Variants in MYRF observed in about 807,000 individuals in gnomAD.
MYRF encodes the protein myelin regulatory factor, also known as myelin gene regulatory factor.
In MYRF, 16 loss-of-function variants were observed where a neutral mutation model predicts 126.3. The observed-to-expected ratio is 0.13, with a 90% CI of 0.09 to 0.19. The LOEUF is 0.19. Among genes scored for constraint, MYRF ranks in the 10% least tolerant of loss-of-function variants. The probability of loss-of-function intolerance (pLI) is 1.00; values close to 1 mark genes in which losing one functional copy is unlikely to be tolerated. For synonymous variants in MYRF, 608 were observed against 635.3 expected, an observed-to-expected ratio of 0.96 and a Z score of 0.65; for missense variants, 1,104 against 1,547.0, an observed-to-expected ratio of 0.71 and a Z score of 4.80.
At chr11:61,779,706 G>A (rs569734807) in intron 16 of MYRF, 136 bp downstream of exon 16, 78 of 1,212,518 alleles carry the variant, frequency 6.4e-5, no homozygotes, top group Non-Finnish European at 7.5e-5. Context: ...TCCCAGCCCC[G>A]TTTCTCTTTC....
At chr11:61,764,418 T>C (rs368343194) in intron 1 of MYRF, among the ~76,000 whole-genome samples, 11 of 152,304 alleles carry the variant, frequency 7.2e-5, no homozygotes, top group East Asian at 3.9e-4. Context: ...CATGTCCCCA[T>C]TGCACGAATG....
At position 61,776,807 on chromosome 11, in the gene MYRF, C is replaced by G; in HGVS notation, c.1520C>G (p.Ala507Gly). The change falls in exon 11 of 27, where the codon GCC becomes GGC. Residue 507 changes from alanine (A) to glycine (G), a missense_variant. By Grantham distance (60) the Ala-to-Gly change is moderately conservative. Around this residue, in one of 10 missense-constraint regions of MYRF, gnomAD observed 48 missense variants for 148.2 expected, o/e 0.32. Transcript: ENST00000278836. This position sits in a 1 kb window ranked among gnomAD's most constrained non-coding sequence, Gnocchi z 4.3. ...PDQRYFMLVVALQAHAQNQNY... is the reference protein window; with the variant it reads ...PDQRYFMLVVGLQAHAQNQNY... ...CCCAGGTACTTCATGCTGGTGGTGG[C>G]CCTCCAGGCTCATGCACAGAACCAG... 1 of 1,604,982 alleles carries G rather than the reference C, an allele frequency of 6.2e-7. No homozygotes were observed.
chr11:61,754,020 GCTCCTT>G (rs2065678150), intron 1 of MYRF: 1 of 152,656 alleles, frequency 6.6e-6, no homozygotes, highest in East Asian at 1.9e-4. Context: ...GCCACATCCT[GCTCCTT>G]GGTGCATTGA....
intron 4 of MYRF, 129 bp from the exon 5 acceptor site, chr11:61,770,117 A>C: frequency 2.3e-6 from 2 of 876,592 alleles, no homozygotes; most frequent in Non-Finnish European, 3.3e-6. Flanking sequence ...CACCTAGGGT[A>C]GGTGGGGGGC....
Position 61,787,081 on chromosome 11 carries a change from C to G in MYRF, c.*938C>G, listed in dbSNP as rs2066711625. On this transcript the variant is annotated 3_prime_UTR_variant, in exon 27 of 27. Transcript: ENST00000278836. The stretch of plus-strand genomic sequence containing the variant: ...GGAGCAGGAATCCCTCAAGCAGCAG[C>G]CTGGTCTTGGCTGGTGGGCAGATGC... 6.5e-6 allele frequency: 1 copy of G among 152,788 alleles called. No homozygotes were observed. Among genetic ancestry groups the G allele is most frequent in the African/African-American group, 2.4e-5 (1 of 41,462 alleles). 9.5% of individuals were successfully genotyped at this position (152,788 alleles called of 1,614,324 possible). A position where few individuals can be genotyped will look rare whatever the true frequency, so the allele number is the denominator to read the frequency against.
chr11:61,753,089 T>TTG (rs1365121017), intron 1 of MYRF, among the ~76,000 whole-genome samples: 4 of 152,064 alleles, frequency 2.6e-5, no homozygotes, highest in Non-Finnish European at 5.9e-5. Context: ...TTTCCCTAAA[T>TTG]TGTGACACTC....
chr11:61,784,416 C>G lies in MYRF; in HGVS notation c.3300+31C>G, dbSNP rs987135585. 6 of 1,574,896 alleles carry G rather than the reference C, an allele frequency of 3.8e-6. No homozygotes were observed. In the Admixed American group the frequency reaches 6.8e-5, roughly 18 times the overall value. ...TGGGACTGGGAAGCTGCGGGCCGGC[C>G]AGGCCCGAGCTGCTTCTCTCCTGGC... On this transcript the variant is annotated intron_variant, in intron 25 of 26. Transcript: ENST00000278836.
Position 61,778,898 on chromosome 11 carries a change from C to A in MYRF, c.2014-365C>A, listed in dbSNP as rs1403886254. On this transcript the variant is annotated intron_variant, in intron 14 of 26. Coordinates refer to ENST00000278836, the MANE Select transcript of MYRF (RefSeq NM_001127392.3). This position sits in a 1 kb window ranked among gnomAD's most constrained non-coding sequence, Gnocchi z 4.6. The stretch of plus-strand genomic sequence containing the variant: ...AAGGAGGCATGTAATAGGTCTCCAC[C>A]CCAGCTGAATAGTGAAGTGCTGACA... 7.1e-6 allele frequency: 4 copies of A among 564,048 alleles called. No homozygotes were observed. The highest frequency in any genetic ancestry group is 1.3e-5 in the Non-Finnish European group (4 of 296,900). The allele number at this position is 564,048 out of a possible 1,614,324, so 34.9% of individuals were successfully genotyped here.
At chr11:61,785,696 C>A in intron 25 of MYRF, 104 bp from the exon 26 acceptor site, 1 of 899,858 alleles carries the variant, frequency 1.1e-6, no homozygotes, top group Non-Finnish European at 1.8e-6. Flanking sequence ...TTTTTTCCTT[C>A]ATAAAACTCC....
In MYRF at chr11:61,781,765, G is replaced by T; in HGVS notation, c.2957G>T (p.Arg986Leu). 6.2e-7 allele frequency: 1 copy of T among 1,610,844 alleles called. No homozygotes were observed. Among genetic ancestry groups the T allele is most frequent in the Non-Finnish European group, 8.5e-7 (1 of 1,178,996 alleles). Residue 986 changes from arginine to leucine, a missense_variant, in exon 22 of 27, where the codon CGA becomes CTA. Arg to Leu is a moderately radical substitution (Grantham distance 102). Coordinates refer to ENST00000278836, the MANE Select transcript of MYRF (RefSeq NM_001127392.3). ...CTTGGTTTCCATGGCCGGGCCCGCC[G>T]AGGGGCCCTCCAGTCCAGCGTGGGC... ...PSLGFHGRARRGALQSSVGPA... is the reference protein window; with the variant it reads ...PSLGFHGRARLGALQSSVGPA...
chr11:61,773,014 T>A (rs2066269369), intron 7 of MYRF, among the ~76,000 whole-genome samples: 2 of 151,598 alleles, frequency 1.3e-5, no homozygotes, highest in Admixed American at 1.3e-4. Context: ...CTTTTTTTTT[T>A]TTTTTTTTTG....
intron 1 of MYRF, among the ~76,000 whole-genome samples, chr11:61,763,094 G>A (rs747036250): frequency 9.9e-5 from 15 of 152,242 alleles, no homozygotes; most frequent in South Asian, 2.1e-4. Context: ...ATCATTCACC[G>A]TAGATTCCAA....
At chr11:61,782,012 G>T in intron 22 of MYRF, 188 bp downstream of exon 22, 1 of 586,410 alleles carries the variant, frequency 1.7e-6, no homozygotes, top group Non-Finnish European at 2.7e-6. Flanking sequence ...AGTCCTCACA[G>T]CACTCCTGCA....
Position 61,778,590 on chromosome 11 carries a change from G to C in MYRF, c.2013+101G>C. 2 of 877,108 alleles carry C rather than the reference G, an allele frequency of 2.3e-6. No homozygotes were observed. The highest frequency in any genetic ancestry group is 2.7e-5 in the South Asian group (2 of 74,124). The allele number at this position is 877,108 out of a possible 1,614,324, so 54.3% of individuals were successfully genotyped here. On this transcript the variant is annotated intron_variant, in intron 14 of 26. Coordinates refer to ENST00000278836, the MANE Select transcript of MYRF (RefSeq NM_001127392.3). The surrounding 1 kb of genome is among the most constrained non-coding windows in gnomAD (Gnocchi z 4.6). Reference sequence around the variant, plus strand: ...GATACTGGGGGCACTGCAAAGCAGAGGCAGGAGCACCCTCGGCTCTCATGC... The same window carrying C: ...GATACTGGGGGCACTGCAAAGCAGACGCAGGAGCACCCTCGGCTCTCATGC...
At chr11:61,763,046 G>A (rs1251859033) in intron 1 of MYRF, among the ~76,000 whole-genome samples, 4 of 152,142 alleles carry the variant, frequency 2.6e-5, no homozygotes, top group Non-Finnish European at 4.4e-5. Context: ...AGGGGGCTGG[G>A]TCTGTTATAA....
chr11:61,771,120 G>C (rs1050830464), intron 5 of MYRF, among the ~76,000 whole-genome samples: 2 of 152,150 alleles, frequency 1.3e-5, no homozygotes, highest in Non-Finnish European at 2.9e-5. Flanking sequence ...CTGATCACAG[G>C]GCCTGCTCTC....
chr11:61,780,003 G>A (rs879462602), intron 17 of MYRF, 73 bp downstream of exon 17: 12 of 1,402,602 alleles, frequency 8.6e-6, no homozygotes, highest in African/African-American at 1.4e-5. Flanking sequence ...AGCTGCCCAT[G>A]GGCTCAGGCC....
intron 2 of MYRF, 61 bp from the exon 3 acceptor site, chr11:61,765,897 G>T: frequency 6.8e-7 from 1 of 1,460,530 alleles, no homozygotes; most frequent in Non-Finnish European, 9.0e-7. Flanking sequence ...GGGAGGGGGC[G>T]GCTACTTCCC....
intron 22 of MYRF, chr11:61,782,708 T>G (rs1034057325): frequency 2.6e-5 from 4 of 152,204 alleles, no homozygotes; most frequent in African/African-American, 9.7e-5. Context: ...TTGGTGACAT[T>G]TGAGCTGACT....
Sources: allele counts gnomAD v4.1 joint callset (sites outside exome capture counted in the v4.1 genomes callset), GRCh38; gene constraint gnomAD v4.1.1; regional missense constraint gnomAD v4.1.1; non-coding constraint Gnocchi (gnomAD v3.1); transcripts MANE v1.5; gene names NCBI Gene and HGNC (gene_info 2026-07-23, HGNC 2026-07-21).